SLX4IP: variants seen among roughly 807,000 people sequenced by gnomAD.
The protein encoded by SLX4IP is protein SLX4IP.
A neutral mutation model predicts 32.9 loss-of-function variants in SLX4IP; 34 were observed. The ratio of observed to expected loss-of-function variants is 1.03; its 90% CI spans 0.79 to 1.38. SLX4IP has a LOEUF of 1.38. Ranked by LOEUF, SLX4IP falls within the 40% of genes most tolerant of loss-of-function variation. The probability of loss-of-function intolerance (pLI) is 0.00; values close to 1 mark genes in which losing one functional copy is unlikely to be tolerated. For missense variants in SLX4IP, 444 were observed against 479.0 expected (o/e 0.93, Z 0.68); for synonymous variants, 172 against 171.7 (o/e 1.00, Z -0.01).
At chr20:10,453,439 C>T (rs902869369) in intron 1 of SLX4IP, among the ~76,000 whole-genome samples, 14 of 152,070 alleles carry the variant, frequency 9.2e-5, no homozygotes, top group Non-Finnish European at 1.6e-4. Context: ...TCACCAGATC[C>T]TCAGCTTTGC....
intron 1 of SLX4IP, among the ~76,000 whole-genome samples, chr20:10,439,817 G>A (rs1034991504): frequency 6.6e-6 from 1 of 152,174 alleles, no homozygotes; most frequent in Admixed American, 6.5e-5. Context: ...TATTTATTAG[G>A]TAGCAAAGTA....
intron 4 of SLX4IP, 149 bp from the exon 5 acceptor site, chr20:10,598,526 A>G (rs1159281124): frequency 1.3e-6 from 1 of 749,748 alleles, no homozygotes; most frequent in Non-Finnish European, 2.3e-6. Flanking sequence ...GGCCTCCCGA[A>G]TTGTTGGGAT....
At chr20:10,553,013 TA>T (rs908741713) in intron 2 of SLX4IP, among the ~76,000 whole-genome samples, 4 of 152,214 alleles carry the variant, frequency 2.6e-5, no homozygotes, top group African/African-American at 9.6e-5. Context: ...GAAGGGCTTT[TA>T]TTCCAGAATC....
chr20:10,453,053 A>T (rs1745552369), intron 1 of SLX4IP, among the ~76,000 whole-genome samples: 1 of 152,046 alleles, frequency 6.6e-6, no homozygotes, highest in African/African-American at 2.4e-5. Flanking sequence ...CCCTCACCAT[A>T]TTTATACACA....
intron 2 of SLX4IP, among the ~76,000 whole-genome samples, chr20:10,539,767 C>G (rs1013008432): frequency 6.6e-6 from 1 of 152,178 alleles, no homozygotes; most frequent in East Asian, 1.9e-4. Context: ...ACATTAGAAT[C>G]GGGTAGGGAG....
In SLX4IP at chr20:10,627,398, A is replaced by G. The variant is rs2067185180; in HGVS notation, c.*4019A>G. On this transcript the variant is annotated 3_prime_UTR_variant, in exon 8 of 8. Transcript: ENST00000334534. ...AAAAGCCTTCCTTAGTACAAAATAA[A>G]TTAAGCATTGTAAAACGAAGTTAAT... is the stretch of plus-strand genomic sequence containing the variant. The G allele has an allele frequency of 6.6e-6, 1 of 152,256 alleles. No individual in the cohort carries two copies. Among genetic ancestry groups the G allele is most frequent in the African/African-American group, 2.4e-5 (1 of 41,472 alleles). The allele number at this position is 152,256 out of a possible 1,614,324, so 9.4% of individuals were successfully genotyped here.
chr20:10,536,498 C>T (rs1327387815), intron 2 of SLX4IP, among the ~76,000 whole-genome samples: 1 of 152,170 alleles, frequency 6.6e-6, no homozygotes, highest in African/African-American at 2.4e-5. Flanking sequence ...AAAGGAAAGG[C>T]AGAGAGCCTT....
At chr20:10,520,896 G>T (rs651847) in intron 2 of SLX4IP, among the ~76,000 whole-genome samples, 29,967 of 152,142 alleles carry the variant, frequency 0.2, 3,545 homozygotes, top group Admixed American at 0.27. Context: ...CTCCCCAGAA[G>T]TGAGCACTCT....
intron 4 of SLX4IP, among the ~76,000 whole-genome samples, chr20:10,587,408 A>C (rs2066658241): frequency 6.6e-6 from 1 of 152,208 alleles, no homozygotes; most frequent in Admixed American, 6.5e-5. Flanking sequence ...CTTTATAATA[A>C]GGAGCACCAG....
At chr20:10,572,563 T>C (rs1448021246) in intron 4 of SLX4IP, among the ~76,000 whole-genome samples, 1 of 152,192 alleles carries the variant, frequency 6.6e-6, no homozygotes, top group Non-Finnish European at 1.5e-5. Flanking sequence ...TTTTTCTGTT[T>C]GTGGAACAGT....
chr20:10,513,963 A>C (rs2065830751), intron 2 of SLX4IP, among the ~76,000 whole-genome samples: 1 of 152,182 alleles, frequency 6.6e-6, no homozygotes, highest in Non-Finnish European at 1.5e-5. Context: ...AAGGGAGGGG[A>C]GTTGCCTTCT....
In SLX4IP at chr20:10,577,155, T is replaced by C. The variant is rs561013217; in HGVS notation, c.238+16335T>C. 6.6e-5 allele frequency among the ~76,000 whole-genome samples: 10 copies of C among 152,336 alleles called. No homozygotes were observed. In the South Asian group the frequency reaches 2.1e-3, roughly 32 times the overall value. ...ATTTGAAAATAAAACAGCTTCTTGG[T>C]TGCCCTTCAAGGTAGTGTGAACTTC... On this transcript the variant is annotated intron_variant, in intron 4 of 7. Coordinates refer to ENST00000334534, the MANE Select transcript of SLX4IP (RefSeq NM_001009608.3).
chr20:10,450,974 G>A (rs902985937), intron 1 of SLX4IP, among the ~76,000 whole-genome samples: 3 of 152,066 alleles, frequency 2.0e-5, no homozygotes, highest in African/African-American at 7.2e-5. Context: ...GGATGGTCTC[G>A]ATCTCCTGAC....
chr20:10,468,175 G>A (rs1786665618), intron 2 of SLX4IP, among the ~76,000 whole-genome samples: 2 of 152,158 alleles, frequency 1.3e-5, no homozygotes, highest in Non-Finnish European at 2.9e-5. Context: ...CTTGCCAAAT[G>A]ATGTCTCGTC....
In SLX4IP at chr20:10,498,679, CTTTTCT is replaced by C. The variant is rs1220148105; in HGVS notation, c.27+40453_27+40458del. ...CTTGTAGCAATTTCTTTTTTCTTTT[CTTTTCT>C]TTTTTTTTTTTTGTGGTGACGGAGT... On this transcript the variant is annotated intron_variant, in intron 2 of 7. Transcript: ENST00000334534. Among the ~76,000 whole-genome samples, 69 of 95,094 alleles carry C rather than the reference CTTTTCT, an allele frequency of 7.3e-4. 1 individual carries two copies. Among genetic ancestry groups the C allele is most frequent in the African/African-American group, 3.3e-3 (69 of 21,040 alleles). 62.4% of individuals were successfully genotyped at this position (95,094 alleles called of 152,430 possible).
At chr20:10,436,153 T>TA (rs2065111886) in intron 1 of SLX4IP, among the ~76,000 whole-genome samples, 1 of 152,214 alleles carries the variant, frequency 6.6e-6, no homozygotes, top group African/African-American at 2.4e-5. Context: ...TGGCTAGCGT[T>TA]AAAACTAATA....
chr20:10,588,256 G>T (rs1430605753), intron 4 of SLX4IP, among the ~76,000 whole-genome samples: 2 of 152,142 alleles, frequency 1.3e-5, no homozygotes, highest in African/African-American at 4.8e-5. Context: ...TATATGGAAA[G>T]GTGCTTAACG....
chr20:10,561,545 CTTTT>C (rs749781715), intron 4 of SLX4IP, among the ~76,000 whole-genome samples: 1 of 139,146 alleles, frequency 7.2e-6, no homozygotes, highest in Non-Finnish European at 1.6e-5. Flanking sequence ...TTTCTTTTTT[CTTTT>C]TTTTTTTTTG....
chr20:10,620,382 G>A (rs992700024), intron 6 of SLX4IP, among the ~76,000 whole-genome samples: 1 of 152,084 alleles, frequency 6.6e-6, no homozygotes, highest in Non-Finnish European at 1.5e-5. Flanking sequence ...TGCTTCCATG[G>A]GAACACAAAA....
Sources: gnomAD v4.1 joint callset for allele counts (sites outside exome capture counted in the v4.1 genomes callset) on GRCh38, gnomAD v4.1.1 for gene constraint, MANE v1.5 for transcripts, NCBI Gene and HGNC (gene_info 2026-07-23, HGNC 2026-07-21) for gene names.